Variants in NALCN observed in about 807,000 individuals in gnomAD.
NALCN encodes sodium leak channel NALCN.
NALCN carries 111 observed loss-of-function variants against 225.3 expected under a neutral mutation model. The ratio of observed to expected loss-of-function variants is 0.49; its 90% CI spans 0.42 to 0.58. The LOEUF (loss-of-function observed/expected upper bound fraction) is 0.58, where lower values mean the gene tolerates loss of function less well. Ranked by LOEUF, NALCN falls within the 20% of genes least tolerant of loss-of-function variation. The probability of loss-of-function intolerance (pLI) is 0.00; values close to 1 mark genes in which losing one functional copy is unlikely to be tolerated. For missense variants in NALCN, 1,378 were observed against 2,202.4 expected, an observed-to-expected ratio of 0.63 and a Z score of 7.49; for synonymous variants, 764 against 769.0, an observed-to-expected ratio of 0.99 and a Z score of 0.11.
chr13:101,252,068 T>C (rs533986725), intron 11 of NALCN, among the ~76,000 whole-genome samples: 1 of 152,196 alleles, frequency 6.6e-6, no homozygotes, highest in South Asian at 2.1e-4. Context: ...CTTTGATAAA[T>C]CATGTTATTG....
intron 15 of NALCN, among the ~76,000 whole-genome samples, chr13:101,167,743 C>G (rs371906511): frequency 8.0e-6 from 1 of 125,644 alleles, no homozygotes; most frequent in African/African-American, 2.7e-5. Flanking sequence ...TAGACTGAGG[C>G]AGGAGAATCA....
chr13:101,208,027 G>A (rs1286782910), intron 13 of NALCN, among the ~76,000 whole-genome samples: 2 of 151,758 alleles, frequency 1.3e-5, no homozygotes, highest in Non-Finnish European at 2.9e-5. Flanking sequence ...ACGAAGGTCT[G>A]CAGCGTCACT....
intron 12 of NALCN, among the ~76,000 whole-genome samples, chr13:101,234,262 C>T (rs2041465872): frequency 6.6e-6 from 1 of 152,182 alleles, no homozygotes; most frequent in South Asian, 2.1e-4. Context: ...TCTGCTTTGT[C>T]CACTGCTCCA....
At chr13:101,146,789 T>C (rs1249573037) in intron 15 of NALCN, among the ~76,000 whole-genome samples, 1 of 152,142 alleles carries the variant, frequency 6.6e-6, no homozygotes, top group Non-Finnish European at 1.5e-5. Context: ...AAGAAATAAG[T>C]CACTGCACTC....
chr13:101,284,567 G>T (rs998421565), intron 9 of NALCN, among the ~76,000 whole-genome samples: 1 of 152,186 alleles, frequency 6.6e-6, no homozygotes, highest in African/African-American at 2.4e-5. Flanking sequence ...CATAGGGAAA[G>T]AACTGGTGTT....
At chr13:101,396,588 T>C (rs145102019) in intron 2 of NALCN, among the ~76,000 whole-genome samples, 3,642 of 152,186 alleles carry the variant, frequency 0.024, 58 homozygotes, top group South Asian at 0.064. Flanking sequence ...ATGAAGATAT[T>C]TTGCTGCTAA....
intron 17 of NALCN, among the ~76,000 whole-genome samples, chr13:101,135,821 GA>G (rs2036756932): frequency 6.6e-6 from 1 of 152,118 alleles, no homozygotes; most frequent in South Asian, 2.1e-4. Flanking sequence ...GTCAGAAGAG[GA>G]AAAAGTTTAA....
intron 10 of NALCN, among the ~76,000 whole-genome samples, chr13:101,276,737 TAAG>T (rs1186079769): frequency 2.0e-5 from 3 of 152,130 alleles, no homozygotes; most frequent in African/African-American, 7.2e-5. Flanking sequence ...TGTAGAAGAG[TAAG>T]AAGATCTTTT....
chr13:101,061,576 T>C (rs1280157807), intron 41 of NALCN, among the ~76,000 whole-genome samples: 1 of 152,180 alleles, frequency 6.6e-6, no homozygotes, highest in Admixed American at 6.5e-5. Flanking sequence ...AGATGGGGTT[T>C]TGCCATGTTG....
intron 13 of NALCN, 141 bp from the exon 14 acceptor site, chr13:101,192,195 C>T: frequency 1.2e-6 from 1 of 806,128 alleles, no homozygotes; most frequent in African/African-American, 1.8e-5. Flanking sequence ...TGATTCAACA[C>T]ATAGGAAAGA....
chr13:101,172,517 C>T (rs2038771747), intron 15 of NALCN, among the ~76,000 whole-genome samples: 1 of 152,148 alleles, frequency 6.6e-6, no homozygotes, highest in African/African-American at 2.4e-5. Flanking sequence ...GCTTCCTCTT[C>T]CTCTGTTGAG....
At chr13:101,226,280 C>T (rs907993850) in intron 13 of NALCN, among the ~76,000 whole-genome samples, 24 of 152,098 alleles carry the variant, frequency 1.6e-4, no homozygotes, top group Non-Finnish European at 2.9e-5. Flanking sequence ...ATCCCAACCC[C>T]ACAATAAACT....
intron 15 of NALCN, among the ~76,000 whole-genome samples, chr13:101,169,475 C>T (rs890808736): frequency 5.3e-5 from 8 of 152,176 alleles, no homozygotes; most frequent in African/African-American, 1.9e-4. Context: ...GTATTTAAAT[C>T]ACACAACCTT....
intron 7 of NALCN, among the ~76,000 whole-genome samples, chr13:101,322,233 C>G (rs1999870): frequency 0.35 from 53,096 of 151,958 alleles, 9,288 homozygotes; most frequent in Admixed American, 0.41. Flanking sequence ...CTGTGTGACT[C>G]TGGTGTGCAA....
chr13:101,341,618 A>T (rs141328145), intron 7 of NALCN, among the ~76,000 whole-genome samples: 1,671 of 152,228 alleles, frequency 0.011, 30 homozygotes, highest in African/African-American at 0.038. Flanking sequence ...TTTTAAAAGT[A>T]CCTCAAAGTA....
chr13:101,055,988 C>G (rs2031192115), intron 43 of NALCN, among the ~76,000 whole-genome samples: 1 of 152,134 alleles, frequency 6.6e-6, no homozygotes, highest in South Asian at 2.1e-4. Flanking sequence ...AACTTCACGT[C>G]TCTGAACCCA....
chr13:101,413,151 A>C (rs2047836880), intron 1 of NALCN, among the ~76,000 whole-genome samples: 1 of 152,242 alleles, frequency 6.6e-6, no homozygotes, highest in Non-Finnish European at 1.5e-5. Context: ...TTTATTCAAA[A>C]TTATAATCTG....
chr13:101,415,208 C>CACATATATATATATATATATATATATAT (rs1555349509), intron 1 of NALCN, among the ~76,000 whole-genome samples: 13 of 107,802 alleles, frequency 1.2e-4, no homozygotes, highest in South Asian at 2.7e-4. Flanking sequence ...AAATCACACA[C>CACATATATATATATATATATATATATAT]ATATATATAT....
intron 10 of NALCN, among the ~76,000 whole-genome samples, chr13:101,266,900 A>C (rs1469001689): frequency 6.6e-6 from 1 of 152,258 alleles, no homozygotes; most frequent in Non-Finnish European, 1.5e-5. Flanking sequence ...CAATACAAAG[A>C]ATTTATATGA....
Sources: gnomAD v4.1 joint callset for allele counts (sites outside exome capture counted in the v4.1 genomes callset) on GRCh38, gnomAD v4.1.1 for gene constraint, MANE v1.5 for transcripts, NCBI Gene and HGNC (gene_info 2026-07-23, HGNC 2026-07-21) for gene names.